Variants in PIN4 observed in about 807,000 individuals in gnomAD.
The protein encoded by PIN4 is peptidylprolyl cis/trans isomerase, NIMA-interacting 4, also known as peptidyl-prolyl cis-trans isomerase NIMA-interacting 4.
In PIN4, 3 loss-of-function variants were observed where a neutral mutation model predicts 8.3. That is an observed-to-expected ratio of 0.36 (90% CI 0.16 to 0.93). The LOEUF (loss-of-function observed/expected upper bound fraction) is 0.93. Ranked by LOEUF, PIN4 falls within the 40% of genes least tolerant of loss-of-function variation. PIN4 has a pLI of 0.44. For synonymous variants in PIN4, 18 were observed against 32.5 expected, an observed-to-expected ratio of 0.55 and a Z score of 1.52; for missense variants, 75 against 100.6, an observed-to-expected ratio of 0.75 and a Z score of 1.09.
At chrX:72,201,167 A>T (rs980263339), downstream of PIN4, among the ~76,000 whole-genome samples, 7 of 110,576 alleles carry the variant, frequency 6.3e-5, no homozygotes, top group East Asian at 2.0e-3. Flanking sequence ...TCACCACTGC[A>T]CTCCAGCCTG....
At chrX:72,238,326 A>C (rs142821662) in intron 3 of PIN4, among the ~76,000 whole-genome samples, 188 of 111,702 alleles carry the variant, frequency 1.7e-3, no homozygotes, top group African/African-American at 5.7e-3. Flanking sequence ...GCCTAGCTCA[A>C]ATGTCTCCTC....
chrX:72,254,095 G>A (rs761355739), intron 3 of PIN4, among the ~76,000 whole-genome samples: 5 of 112,405 alleles, frequency 4.4e-5, no homozygotes, highest in Admixed American at 3.8e-4. Flanking sequence ...CTTTCATTGA[G>A]TTCACAACAC....
chrX:72,184,011 T>G (rs1040534213), intron 1 of PIN4, among the ~76,000 whole-genome samples: 1 of 112,250 alleles, frequency 8.9e-6, no homozygotes, highest in Non-Finnish European at 1.9e-5. Context: ...GGAGCCTGAC[T>G]AAGATCAAAG....
At chrX:72,191,669 A>G (rs978415920) in intron 2 of PIN4, among the ~76,000 whole-genome samples, 2 of 112,253 alleles carry the variant, frequency 1.8e-5, no homozygotes, top group African/African-American at 3.2e-5. Context: ...TGAGATAAGT[A>G]CTCATCAACT....
intron 3 of PIN4, among the ~76,000 whole-genome samples, chrX:72,210,321 C>T (rs751633664): frequency 9.0e-6 from 1 of 110,673 alleles, no homozygotes; most frequent in Admixed American, 9.7e-5. Flanking sequence ...CAAACCAAAA[C>T]CACAAGGAGA....
At chrX:72,185,037 G>A (rs925481431) in intron 1 of PIN4, among the ~76,000 whole-genome samples, 1 of 106,479 alleles carries the variant, frequency 9.4e-6, no homozygotes, top group African/African-American at 3.4e-5. Flanking sequence ...CCAGCTACTC[G>A]GGAGGCTGAG....
chrX:72,222,730 T>G (rs2042931569), intron 3 of PIN4, among the ~76,000 whole-genome samples: 1 of 108,561 alleles, frequency 9.2e-6, no homozygotes, highest in Non-Finnish European at 1.9e-5. Flanking sequence ...CCTGAGTAGC[T>G]GGGATTACAG....
intron 1 of PIN4, among the ~76,000 whole-genome samples, chrX:72,185,167 C>A (rs373774760): frequency 0.12 from 4,350 of 35,081 alleles, 44 homozygotes; most frequent in Non-Finnish European, 0.2. Flanking sequence ...AAAAAAAAAA[C>A]AACTTTTCAA....
rs2042674272 is a variant in PIN4 at position 72,181,799 on chromosome X, G to T, written c.14G>T (p.Gly5Val). ...CAAGCTTCCAAGATGCCGCCCAAAG[G>T]AAAAAGTGGTTCTGGAAAAGCGGGG... Reference protein sequence around the residue: MPPKGKSGSGKAGKG... With the variant: MPPKVKSGSGKAGKG... The change falls in exon 1 of 4, where the codon GGA (glycine) becomes GTA (valine). Residue 5 changes from glycine to valine, a missense_variant. Physicochemically the swap from Gly to Val is moderately radical, Grantham distance 109. Transcript: ENST00000373669. The T allele has an allele frequency of 8.4e-7, 1 of 1,185,614 alleles. No homozygotes were observed. The highest frequency in any genetic ancestry group is 1.7e-5 in the African/African-American group (1 of 57,483).
chrX:72,212,083 T>C (rs1445843815), intron 3 of PIN4, among the ~76,000 whole-genome samples: 1 of 110,311 alleles, frequency 9.1e-6, no homozygotes, highest in Admixed American at 9.7e-5. Context: ...AGGACCAGCC[T>C]GGCCAACATG....
At chrX:72,209,913 A>T (rs1337761899) in intron 3 of PIN4, among the ~76,000 whole-genome samples, 1 of 111,285 alleles carries the variant, frequency 9.0e-6, no homozygotes, top group East Asian at 2.8e-4. Flanking sequence ...CCCTACTCAT[A>T]CCATACACAA....
rs1345122062 is a variant in PIN4 at position 72,208,621 on chromosome X, T to C, written c.312+11717T>C. On this transcript the variant is annotated intron_variant, in intron 3 of 3. Transcript: ENST00000423432. ...CAGCACTTTTTCATTGGGAAAAATG[T>C]CCTTTGCCAAATTGAAAAGTTTAAA... The C allele has an allele frequency of 5.8e-6, 7 of 1,209,779 alleles. No individual in the cohort carries two copies. In the East Asian group the frequency reaches 2.1e-4, roughly 36 times the overall value.
At chrX:72,225,748 G>T (rs1469312045) in intron 3 of PIN4, among the ~76,000 whole-genome samples, 1 of 110,878 alleles carries the variant, frequency 9.0e-6, no homozygotes, top group African/African-American at 3.3e-5. Flanking sequence ...CACCAAAAAC[G>T]TGCCTTATTA....
rs145825789 is a variant in PIN4 at position 72,194,259 on chromosome X, G to T, written c.118-2526G>T. On this transcript the variant is annotated intron_variant, in intron 2 of 3. Coordinates refer to ENST00000373669, the MANE Select transcript of PIN4 (RefSeq NM_006223.4). ...TACAAAAAATACAAAATTAGGCCGG[G>T]TATGGTGGCTCATGTCTGTAATCCC... 9.6e-3 allele frequency among the ~76,000 whole-genome samples: 1,064 copies of T among 111,173 alleles called. 36 individuals carry two copies. The highest frequency in any genetic ancestry group is 0.034 in the African/African-American group (1,034 of 30,412).
chrX:72,228,282 T>A (rs970837274), intron 3 of PIN4, among the ~76,000 whole-genome samples: 8 of 112,207 alleles, frequency 7.1e-5, no homozygotes, highest in African/African-American at 2.6e-4. Flanking sequence ...GGAAATTAAT[T>A]TTATGTTCAA....
At chrX:72,217,993 G>A (rs2042896466) in intron 3 of PIN4, among the ~76,000 whole-genome samples, 1 of 111,287 alleles carries the variant, frequency 9.0e-6, no homozygotes, top group African/African-American at 3.3e-5. Flanking sequence ...GATGGGGGCC[G>A]GGCGCGGTGG....
chrX:72,257,269 C>G (rs760061788), intron 3 of PIN4, among the ~76,000 whole-genome samples: 4 of 111,363 alleles, frequency 3.6e-5, no homozygotes, highest in Non-Finnish European at 7.5e-5. Flanking sequence ...TGCAGTGAGC[C>G]GAGATCGTGC....
intron 3 of PIN4, among the ~76,000 whole-genome samples, chrX:72,210,145 C>T (rs188666505): frequency 5.6e-5 from 6 of 107,731 alleles, no homozygotes; most frequent in Non-Finnish European, 9.5e-5. Flanking sequence ...GCAGGAGGAT[C>T]GCTTGAGGTC....
At chrX:72,205,080 T>TA in intron 3 of PIN4, 1 of 1,211,027 alleles carries the variant, frequency 8.3e-7, no homozygotes, top group Non-Finnish European at 1.1e-6. Flanking sequence ...CTGCACTTTT[T>TA]ATGTCAAGCG....
Sources: gnomAD v4.1 joint callset for allele counts (sites outside exome capture counted in the v4.1 genomes callset) on GRCh38, gnomAD v4.1.1 for gene constraint, MANE v1.5 for transcripts, NCBI Gene and HGNC (gene_info 2026-07-23, HGNC 2026-07-21) for gene names.